Variants in USP18 observed in about 807,000 individuals in gnomAD.
USP18 encodes ubl carboxyl-terminal hydrolase 18.
A neutral mutation model predicts 48.7 loss-of-function variants in USP18; 11 were observed. The observed-to-expected ratio is 0.23, with a 90% confidence interval of 0.14 to 0.37. The LOEUF (loss-of-function observed/expected upper bound fraction) is 0.37. Among genes scored for constraint, USP18 ranks in the 10% least tolerant of loss-of-function variants. USP18 has a pLI of 1.00. For synonymous variants in USP18, 114 were observed against 163.2 expected (o/e 0.70, Z 2.30); for missense variants, 285 against 436.4 (o/e 0.65, Z 3.09).
chr22:18,152,013 C>T (rs1929011934), intron 1 of USP18, among the ~76,000 whole-genome samples: 1 of 152,036 alleles, frequency 6.6e-6, no homozygotes, highest in South Asian at 2.1e-4. Context: ...AAGATCCGGC[C>T]ACTGCACTCC....
In USP18 at chr22:18,167,902, C is replaced by T. The variant is rs759945382; in HGVS notation, c.493C>T (p.Gln165Ter). ...CTCCCTCTTGCAGGTGGAGAGACTG[C>T]AGGCCCTGTATACGATCCGGGTGAA... Reference protein sequence around the residue: ...ITDVHLVERLQALYTIRVKDS... With the variant: ...ITDVHLVERL Residue 165 changes from glutamine (Q) to a stop codon, truncating the protein, a stop_gained, in exon 6 of 11, where the codon CAG becomes TAG. Transcript: ENST00000215794. LOFTEE classifies it high-confidence loss of function. 1 of 1,613,850 alleles carries T rather than the reference C, an allele frequency of 6.2e-7. No individual in the cohort carries two copies. Among genetic ancestry groups the T allele is most frequent in the Non-Finnish European group, 8.5e-7 (1 of 1,179,920 alleles).
Position 18,172,331 on chromosome 22 carries a change from C to G in USP18, c.892-819C>G, listed in dbSNP as rs545149246. 2.6e-5 allele frequency among the ~76,000 whole-genome samples: 4 copies of G among 152,292 alleles called. No homozygotes were observed. The South Asian group carries it at 8.3e-4, about 32-fold the overall frequency. On this transcript the variant is annotated intron_variant, in intron 8 of 10. Transcript: ENST00000215794. ...TTTATAAACACTTCATTATGTATCC[C>G]TAAAGAATAAGCACTCAAAAGATAA...
intron 4 of USP18, among the ~76,000 whole-genome samples, chr22:18,164,472 G>A (rs1385307079): frequency 2.0e-5 from 3 of 151,942 alleles, no homozygotes; most frequent in Non-Finnish European, 4.4e-5. Flanking sequence ...TGAAGTTAGA[G>A]ACCTGATTTT....
In USP18 at chr22:18,168,054, G is replaced by T. The variant is rs1929529129; in HGVS notation, c.627+18G>T. On this transcript the variant is annotated intron_variant, in intron 6 of 10. Coordinates refer to ENST00000215794, the MANE Select transcript of USP18 (RefSeq NM_017414.4). ...AGACACTGGTAAGGGGATTCTCTTG[G>T]TATTTGCTGCCCCTGTATGTGTTAG... 6.2e-7 allele frequency: 1 copy of T among 1,613,434 alleles called. No homozygotes were observed. Among genetic ancestry groups the T allele is most frequent in the East Asian group, 2.2e-5 (1 of 44,862 alleles).
intron 10 of USP18, 29 bp downstream of exon 10, chr22:18,173,871 C>G: frequency 6.4e-7 from 1 of 1,566,858 alleles, no homozygotes; most frequent in Non-Finnish European, 8.7e-7. Flanking sequence ...TAATTGGAGT[C>G]TGATGAGCTC....
intron 1 of USP18, among the ~76,000 whole-genome samples, chr22:18,156,635 G>A (rs11703466): frequency 0.18 from 27,506 of 151,466 alleles, 2,609 homozygotes; most frequent in African/African-American, 0.2. Flanking sequence ...CGGGAGGAAC[G>A]GACATCTCCA....
At chr22:18,160,775 T>C (rs1394960345) in intron 3 of USP18, among the ~76,000 whole-genome samples, 4 of 149,174 alleles carry the variant, frequency 2.7e-5, no homozygotes, top group Non-Finnish European at 4.5e-5. Context: ...TACTTTTTTT[T>C]TTTTTTTTTT....
intron 8 of USP18, among the ~76,000 whole-genome samples, chr22:18,171,941 C>T (rs1929638291): frequency 6.6e-6 from 1 of 151,530 alleles, no homozygotes; most frequent in African/African-American, 2.4e-5. Flanking sequence ...CAGATTCTGC[C>T]CAATGAAGTG....
chr22:18,171,872 C>T (rs886526104), intron 8 of USP18, among the ~76,000 whole-genome samples: 6 of 152,076 alleles, frequency 3.9e-5, no homozygotes, highest in African/African-American at 1.4e-4. Flanking sequence ...CTACTTAGGC[C>T]GTATACATTT....
chr22:18,153,932 A>G (rs1929063882), intron 1 of USP18, among the ~76,000 whole-genome samples: 1 of 152,048 alleles, frequency 6.6e-6, no homozygotes, highest in African/African-American at 2.4e-5. Flanking sequence ...CATTTTGTGT[A>G]TATAGTCCAC....
intron 2 of USP18, 93 bp downstream of exon 2, chr22:18,157,913 C>A: frequency 6.6e-7 from 1 of 1,513,526 alleles, no homozygotes; most frequent in Non-Finnish European, 9.0e-7. Context: ...TTGTATTCGA[C>A]GGCTCATGCT....
intron 10 of USP18, among the ~76,000 whole-genome samples, chr22:18,174,105 C>T (rs989290292): frequency 1.7e-4 from 26 of 152,140 alleles, no homozygotes; most frequent in Non-Finnish European, 3.4e-4. Flanking sequence ...GTCCTCTCCT[C>T]GTTTACCATC....
chr22:18,151,049 C>T (rs1294385148), intron 1 of USP18, among the ~76,000 whole-genome samples: 1 of 152,096 alleles, frequency 6.6e-6, no homozygotes, highest in Non-Finnish European at 1.5e-5. Context: ...GGCACAGATA[C>T]GGCAATGAAT....
Position 18,169,589 on chromosome 22 carries a change from C to T in USP18, c.628-255C>T, listed in dbSNP as rs1383448872. Among the ~76,000 whole-genome samples the T allele has an allele frequency of 2.6e-5, 4 of 152,224 alleles. No homozygotes were observed. In the East Asian group the frequency reaches 7.8e-4, roughly 30 times the overall value. On this transcript the variant is annotated intron_variant, in intron 6 of 10. Coordinates refer to ENST00000215794, the MANE Select transcript of USP18 (RefSeq NM_017414.4). ...TTGCACCTGCTCCTCCCAGGTAAGA[C>T]ACCTGCTCCTCCCAGGTAAGACACC...
chr22:18,151,606 T>A (rs188961501), intron 1 of USP18, among the ~76,000 whole-genome samples: 12 of 152,206 alleles, frequency 7.9e-5, no homozygotes, highest in Admixed American at 6.5e-4. Flanking sequence ...GGAAAATGCT[T>A]AACATAAACA....
At chr22:18,171,892 C>G (rs1929637248) in intron 8 of USP18, among the ~76,000 whole-genome samples, 1 of 152,120 alleles carries the variant, frequency 6.6e-6, no homozygotes, top group South Asian at 2.1e-4. Flanking sequence ...TCATAGGATT[C>G]TCTTTTTCTT....
At chr22:18,163,008 C>T (rs562052649) in intron 4 of USP18, among the ~76,000 whole-genome samples, 48 of 151,494 alleles carry the variant, frequency 3.2e-4, no homozygotes, top group Non-Finnish European at 2.6e-4. Context: ...TTTCCAGTGA[C>T]CTATCTTCTA....
chr22:18,156,576 G>C (rs1248289233), intron 1 of USP18, among the ~76,000 whole-genome samples: 3 of 151,794 alleles, frequency 2.0e-5, no homozygotes, highest in African/African-American at 7.3e-5. Flanking sequence ...AACACTCACC[G>C]TGAAGGTCCG....
intron 5 of USP18, among the ~76,000 whole-genome samples, 172 bp from the exon 6 acceptor site, chr22:18,167,707 AAAAAAAAAAAG>A (rs1929514384): frequency 1.3e-5 from 2 of 151,882 alleles, no homozygotes; most frequent in Non-Finnish European, 2.9e-5. Flanking sequence ...CAAAAAAAAA[AAAAAAAAAAAG>A]AAAAAAGAGT....
Sources: allele counts gnomAD v4.1 joint callset (sites outside exome capture counted in the v4.1 genomes callset), GRCh38; gene constraint gnomAD v4.1.1; transcripts MANE v1.5; gene names NCBI Gene and HGNC (gene_info 2026-07-23, HGNC 2026-07-21).